Variants in ADK observed in about 807,000 individuals in gnomAD.
ADK encodes N6,N6-dimethyladenosine kinase.
Under a neutral mutation model 44.7 loss-of-function variants are expected in ADK, and 24 were observed. The ratio of observed to expected loss-of-function variants is 0.54; its 90% CI spans 0.39 to 0.76. The LOEUF (loss-of-function observed/expected upper bound fraction) is 0.76, where lower values mean the gene tolerates loss of function less well. Among genes scored for constraint, ADK ranks in the 30% least tolerant of loss-of-function variants. The pLI is 0.00. For synonymous variants in ADK, 128 were observed against 142.6 expected, an observed-to-expected ratio of 0.90 and a Z score of 0.73; for missense variants, 321 against 425.1, an observed-to-expected ratio of 0.76 and a Z score of 2.15.
intron 3 of ADK, among the ~76,000 whole-genome samples, chr10:74,271,409 GT>G (rs1564626657): frequency 6.6e-6 from 1 of 151,714 alleles, no homozygotes; most frequent in Non-Finnish European, 1.5e-5. Context: ...TGTTGTTGTT[GT>G]TTTTTCTTAT....
chr10:74,567,699 G>GTTTTTTTTTTTTT (rs56042541), intron 7 of ADK, among the ~76,000 whole-genome samples: 2 of 112,382 alleles, frequency 1.8e-5, no homozygotes, highest in Admixed American at 9.1e-5. Context: ...TGTTTTTTTT[G>GTTTTTTTTTTTTT]TTTTTTTTTT....
chr10:74,360,591 A>G (rs1342893277), intron 4 of ADK, among the ~76,000 whole-genome samples: 1 of 151,974 alleles, frequency 6.6e-6, no homozygotes, highest in Non-Finnish European at 1.5e-5. Context: ...TGTATCTAAT[A>G]ATATTTGCTT....
At chr10:74,174,179 G>A (rs1419696649) in intron 1 of ADK, among the ~76,000 whole-genome samples, 4 of 150,884 alleles carry the variant, frequency 2.7e-5, no homozygotes, top group African/African-American at 9.8e-5. Context: ...ATGGTGGTGC[G>A]TGCCTTTAGT....
chr10:74,241,479 G>A (rs575793984), intron 3 of ADK, among the ~76,000 whole-genome samples: 3 of 152,226 alleles, frequency 2.0e-5, no homozygotes, highest in African/African-American at 4.8e-5. Context: ...TCTATCTCCC[G>A]GGTTCAAGCA....
chr10:74,623,291 A>G (rs1417748661), intron 9 of ADK, among the ~76,000 whole-genome samples: 1 of 152,186 alleles, frequency 6.6e-6, no homozygotes, highest in Admixed American at 6.5e-5. Context: ...AATTGCCTCA[A>G]GATTAGAAAA....
rs772902599 is a variant in ADK at position 74,394,242 on chromosome 10, G to C, written c.375G>C (p.Val125=). ...ILKRKAAEAH[V]DAHYYEQNEQ... Reference sequence around the variant, plus strand: ...AGAGAAAAGCTGCTGAAGCCCATGTGGATGCTCATTACTACGAGCAGAATG... The same window carrying C: ...AGAGAAAAGCTGCTGAAGCCCATGTCGATGCTCATTACTACGAGCAGAATG... The change falls in exon 5 of 11, where the codon GTG becomes GTC. Residue 125 remains valine (V), a synonymous_variant. Transcript: ENST00000539909. 1.6e-5 allele frequency: 26 copies of C among 1,614,006 alleles called. No individual in the cohort carries two copies. Among genetic ancestry groups the C allele is most frequent in the South Asian group, 9.9e-5 (9 of 91,084 alleles).
chr10:74,374,011 A>G (rs1842748367), intron 4 of ADK, among the ~76,000 whole-genome samples: 1 of 152,152 alleles, frequency 6.6e-6, no homozygotes, highest in Admixed American at 6.5e-5. Flanking sequence ...TATCGTGCTA[A>G]ATGAAGGAAG....
chr10:74,317,288 C>T (rs932139856), intron 4 of ADK, among the ~76,000 whole-genome samples: 1 of 152,088 alleles, frequency 6.6e-6, no homozygotes, highest in African/African-American at 2.4e-5. Context: ...GCTCAATATC[C>T]TGCACAGCAT....
intron 7 of ADK, among the ~76,000 whole-genome samples, chr10:74,566,256 G>A (rs957253480): frequency 3.2e-5 from 4 of 126,642 alleles, no homozygotes; most frequent in Admixed American, 9.3e-5. Context: ...ACCCAGGCTA[G>A]AGTGCAGTGG....
At chr10:74,165,050 A>G (rs534061408) in intron 1 of ADK, among the ~76,000 whole-genome samples, 1 of 152,254 alleles carries the variant, frequency 6.6e-6, no homozygotes, top group East Asian at 1.9e-4. Context: ...GGATAGGAGC[A>G]GCGGAGGGAG....
intron 6 of ADK, among the ~76,000 whole-genome samples, chr10:74,470,315 G>A (rs532252776): frequency 3.3e-5 from 5 of 152,050 alleles, no homozygotes; most frequent in South Asian, 4.2e-4. Context: ...GTGAGCCACC[G>A]CGCCCAGCCA....
chr10:74,646,516 G>A (rs755705261), intron 9 of ADK, among the ~76,000 whole-genome samples: 4 of 152,122 alleles, frequency 2.6e-5, no homozygotes, highest in South Asian at 4.1e-4. Context: ...AGAGAAAATG[G>A]CAGAAAACTA....
chr10:74,651,864 T>TA (rs1425908872), intron 9 of ADK, among the ~76,000 whole-genome samples: 1 of 151,788 alleles, frequency 6.6e-6, no homozygotes, highest in African/African-American at 2.4e-5. Context: ...AACATTATGC[T>TA]AAAAAAAATG....
At chr10:74,543,414 C>T (rs192479252) in intron 7 of ADK, among the ~76,000 whole-genome samples, 25 of 152,270 alleles carry the variant, frequency 1.6e-4, no homozygotes, top group Non-Finnish European at 3.4e-4. Flanking sequence ...CAGTCACTCT[C>T]TTATGTATGG....
chr10:74,207,178 A>C (rs373109930), intron 2 of ADK, among the ~76,000 whole-genome samples: 1 of 152,092 alleles, frequency 6.6e-6, no homozygotes, highest in East Asian at 1.9e-4. Context: ...AGTGGCTTCC[A>C]CTGTAGGAAC....
intron 9 of ADK, among the ~76,000 whole-genome samples, chr10:74,658,907 C>T (rs570878751): frequency 2.7e-4 from 41 of 152,122 alleles, no homozygotes; most frequent in Admixed American, 5.2e-4. Context: ...CATATATACA[C>T]GTGCATATAT....
chr10:74,355,248 C>T (rs1018860348), intron 4 of ADK, among the ~76,000 whole-genome samples: 1 of 152,160 alleles, frequency 6.6e-6, no homozygotes, highest in Non-Finnish European at 1.5e-5. Flanking sequence ...GATAAACCAA[C>T]TATTAGTAAA....
intron 3 of ADK, among the ~76,000 whole-genome samples, chr10:74,239,828 T>A (rs1845133235): frequency 6.6e-6 from 1 of 151,958 alleles, no homozygotes; most frequent in Non-Finnish European, 1.5e-5. Context: ...GGATGTTTAG[T>A]ATATTAGTGG....
At chr10:74,289,571 T>C (rs532004750) in intron 3 of ADK, among the ~76,000 whole-genome samples, 12 of 152,108 alleles carry the variant, frequency 7.9e-5, no homozygotes, top group Non-Finnish European at 1.5e-4. Flanking sequence ...TGTTGAAAAA[T>C]TGGAAATTAC....
Sources: gnomAD v4.1 joint callset for allele counts (sites outside exome capture counted in the v4.1 genomes callset) on GRCh38, gnomAD v4.1.1 for gene constraint, MANE v1.5 for transcripts, NCBI Gene and HGNC (gene_info 2026-07-23, HGNC 2026-07-21) for gene names.